The following ARNT variants were observed in gnomAD, a reference collection of about 807,000 sequenced individuals.
ARNT encodes the protein class E basic helix-loop-helix protein 2.
Under a neutral mutation model 105.0 loss-of-function variants are expected in ARNT, and 30 were observed. That is an observed-to-expected ratio of 0.29 (90% CI 0.21 to 0.39). ARNT has a LOEUF of 0.39. Among genes scored for constraint, ARNT ranks in the 10% least tolerant of loss-of-function variants. The pLI, the probability that ARNT is intolerant of heterozygous loss-of-function variation, is 1.00. For synonymous variants in ARNT, 304 were observed against 344.0 expected (o/e 0.88, Z 1.29); for missense variants, 748 against 978.7 (o/e 0.76, Z 3.15).
intron 5 of ARNT, among the ~76,000 whole-genome samples, chr1:150,842,040 G>T (rs1239060958): frequency 6.6e-6 from 1 of 152,074 alleles, no homozygotes. Context: ...TAAATACTGG[G>T]AACTAATCAC....
At chr1:150,855,423 G>A (rs933618107) in intron 2 of ARNT, among the ~76,000 whole-genome samples, 1 of 151,868 alleles carries the variant, frequency 6.6e-6, no homozygotes, top group African/African-American at 2.4e-5. Flanking sequence ...TTAGCCAGAC[G>A]TGGTGGTGGA....
intron 14 of ARNT, among the ~76,000 whole-genome samples, chr1:150,821,620 C>T (rs1019728307): frequency 1.3e-5 from 2 of 152,028 alleles, no homozygotes; most frequent in African/African-American, 2.4e-5. Flanking sequence ...ATTGTACAAA[C>T]GGTGTGTATG....
chr1:150,854,087 C>T (rs1203856973), intron 2 of ARNT, among the ~76,000 whole-genome samples: 1 of 152,112 alleles, frequency 6.6e-6, no homozygotes, highest in Admixed American at 6.6e-5. Context: ...TCTATCTCTT[C>T]CTTTCTTTCT....
In ARNT at chr1:150,816,288, G is replaced by A. The variant is rs1474921727; in HGVS notation, c.1921C>T (p.Pro641Ser). The A allele has an allele frequency of 2.5e-6, 4 of 1,607,786 alleles. No individual in the cohort carries two copies. The highest frequency in any genetic ancestry group is 3.4e-6 in the Non-Finnish European group (4 of 1,178,194). The change falls in exon 19 of 22, where the codon CCT becomes TCT. Residue 641 changes from proline (P) to serine (S), a missense_variant. Transcript: ENST00000358595. ...GCAGAAAAGCCTGAGCGGGTAGTAG[G>A]GGTCCAAGTTGGGGTTGCTCCTTGG... The part of the protein sequence containing the change: ...PTQGATPTWT[P>S]TTRSGFSAQQ...
chr1:150,870,707 C>G (rs889318769), intron 1 of ARNT, among the ~76,000 whole-genome samples: 1 of 151,950 alleles, frequency 6.6e-6, no homozygotes, highest in Non-Finnish European at 1.5e-5. Context: ...TGGGGTTTCA[C>G]CACGTTGCCC....
intron 14 of ARNT, 51 bp from the exon 15 acceptor site, chr1:150,818,081 G>C: frequency 8.6e-7 from 1 of 1,160,304 alleles, no homozygotes; most frequent in Non-Finnish European, 1.2e-6. Flanking sequence ...GAGGAAGGGG[G>C]GAGAGAGAGA....
chr1:150,853,078 C>T (rs1557933531), intron 2 of ARNT: 3 of 405,866 alleles, frequency 7.4e-6, no homozygotes, highest in Admixed American at 3.9e-5. Flanking sequence ...GTCAGGAGTT[C>T]GAGATCAGCC....
In ARNT at chr1:150,851,918, C is replaced by T. The variant is rs112734312; in HGVS notation, c.182+844G>A. Among the ~76,000 whole-genome samples, 1,179 of 151,772 alleles carry T rather than the reference C, an allele frequency of 7.8e-3. 6 individuals are homozygous for T. The highest frequency in any genetic ancestry group is 0.011 in the Non-Finnish European group (715 of 67,862). On this transcript the variant is annotated intron_variant, in intron 3 of 21. Coordinates refer to ENST00000358595, the MANE Select transcript of ARNT (RefSeq NM_001668.4). ...CAAAAATTAGCTGGGCATGGTGGCA[C>T]GCACCTGTAGTCCCGGCTACTTGGG...
Position 150,839,531 on chromosome 1 carries a change from T to C in ARNT, c.396A>G (p.Leu132=), listed in dbSNP as rs1230239878. 7 of 1,614,086 alleles carry C rather than the reference T, an allele frequency of 4.3e-6. No homozygotes were observed. In the African/African-American group the frequency reaches 9.3e-5, roughly 22 times the overall value. ...LARKPDKLTI[L]RMAVSHMKSL... ...ACTTCATGTGAGAAACTGCCATGCGTAAGATGGTTAGCTTGTCTGGTTTTC... is the reference window on the plus strand; with the variant it reads ...ACTTCATGTGAGAAACTGCCATGCGCAAGATGGTTAGCTTGTCTGGTTTTC... Residue 132 remains leucine, a synonymous_variant, in exon 6 of 22, where the codon TTA becomes TTG. Coordinates refer to ENST00000358595, the MANE Select transcript of ARNT (RefSeq NM_001668.4).
rs760531583 is a variant in ARNT, at chr1:150,811,473, C to CACACAT, written c.*542_*547dup. ...GCATGTGTGCGCACACACACACACA[C>CACACAT]ACACATACACACACACTCTCTCTCA... On this transcript the variant is annotated 3_prime_UTR_variant, in exon 22 of 22. Transcript: ENST00000358595. 2,069 of 233,116 alleles carry CACACAT rather than the reference C, an allele frequency of 8.9e-3. 7 individuals carry two copies. Among genetic ancestry groups the CACACAT allele is most frequent in the Non-Finnish European group, 0.011 (1,281 of 117,946 alleles). The allele number at this position is 233,116 out of a possible 1,614,324, so 14.4% of individuals were successfully genotyped here.
At chr1:150,840,787 T>TATCACTG (rs1231906113) in intron 5 of ARNT, among the ~76,000 whole-genome samples, 1 of 152,156 alleles carries the variant, frequency 6.6e-6, no homozygotes, top group Non-Finnish European at 1.5e-5. Context: ...GACAGAAAGA[T>TATCACTG]ATCACTGTTA....
At chr1:150,874,630 G>A (rs587624631) in intron 1 of ARNT, among the ~76,000 whole-genome samples, 88 of 152,278 alleles carry the variant, frequency 5.8e-4, no homozygotes, top group African/African-American at 1.9e-3. Flanking sequence ...GGAGGCTGCC[G>A]TGAGCAGTGA....
rs1571263926 is a variant in ARNT at position 150,829,907 on chromosome 1, C to T, written c.1029G>A (p.Leu343=). Residue 343 remains leucine (L), a synonymous_variant, in exon 11 of 22, where the codon TTG becomes TTA. Transcript: ENST00000358595. ...SKFCLVAIGR[L]QVTSSPNCTD... ...GATGTGGAAAATTCATACTTGCCTG[C>T]AATCTGCCAATGGCCACTAGGCAAA... 1 of 1,614,086 alleles carries T rather than the reference C, an allele frequency of 6.2e-7. No individual in the cohort carries two copies. Among genetic ancestry groups the T allele is most frequent in the Non-Finnish European group, 8.5e-7 (1 of 1,180,030 alleles).
chr1:150,873,305 CA>C (rs587775382), intron 1 of ARNT, among the ~76,000 whole-genome samples: 8 of 146,034 alleles, frequency 5.5e-5, no homozygotes, highest in African/African-American at 1.8e-4. Context: ...AACAAACAAA[CA>C]AAAAAAAAAC....
rs149888419 is a variant in ARNT at position 150,821,503 on chromosome 1, C to T, written c.1394+1691G>A. Among the ~76,000 whole-genome samples, 289 of 152,288 alleles carry T rather than the reference C, an allele frequency of 1.9e-3. 1 individual carries two copies. Among genetic ancestry groups the T allele is most frequent in the African/African-American group, 6.5e-3 (271 of 41,550 alleles). Reference sequence around the variant, plus strand: ...CAACAATTGAGCAATAGGTGGCTACCAAATTATTACAACAGTACAGTATAT... The same window carrying T: ...CAACAATTGAGCAATAGGTGGCTACTAAATTATTACAACAGTACAGTATAT... On this transcript the variant is annotated intron_variant, in intron 14 of 21. Transcript: ENST00000358595.
At chr1:150,832,196 A>T (rs1659472881) in intron 9 of ARNT, 138 bp downstream of exon 9, 1 of 857,460 alleles carries the variant, frequency 1.2e-6, no homozygotes, top group South Asian at 1.6e-5. Context: ...AGTAAGTGGG[A>T]GGTAAGGGAT....
intron 13 of ARNT, among the ~76,000 whole-genome samples, chr1:150,825,151 T>C (rs756523269): frequency 5.3e-5 from 8 of 152,148 alleles, no homozygotes; most frequent in Non-Finnish European, 1.0e-4. Context: ...TGAGCGACCA[T>C]GCCCAGCCAA....
In ARNT at chr1:150,824,458, CT is replaced by C. The variant is rs923773809; in HGVS notation, c.1243-1114del. 7.0e-3 allele frequency among the ~76,000 whole-genome samples: 976 copies of C among 138,506 alleles called. 6 individuals carry two copies. Among genetic ancestry groups the C allele is most frequent in the African/African-American group, 0.019 (706 of 37,968 alleles). 90.9% of individuals were successfully genotyped at this position (138,506 alleles called of 152,430 possible). A position where few individuals can be genotyped will look rare whatever the true frequency, so the allele number is the denominator to read the frequency against. ...AGAACATCTGTTTTCTTTTCTTTTT[CT>C]TTTTTTTTTTTTTTGAGATGGAGTC... is the stretch of plus-strand genomic sequence containing the variant. On this transcript the variant is annotated intron_variant, in intron 13 of 21. Coordinates refer to ENST00000358595, the MANE Select transcript of ARNT (RefSeq NM_001668.4).
In ARNT at chr1:150,846,267, C is replaced by A; in HGVS notation, c.223G>T (p.Ala75Ser). The stretch of plus-strand genomic sequence containing the variant: ...TATTACCTACTACAATATTACCTGG[C>A]AAACCGCTCCTTATCGTTAGACATC... ...DQMSNDKERF[A>S]RSDDEQSSAD... Residue 75 changes from alanine (A) to serine (S), a missense_variant, in exon 4 of 22, where the codon GCC (alanine) becomes TCC (serine). Physicochemically the swap from Ala to Ser is moderately conservative, Grantham distance 99. Around this residue, in one of 4 missense-constraint regions of ARNT, gnomAD observed 93 missense variants for 101.6 expected, o/e 0.92. Transcript: ENST00000358595. The A allele has an allele frequency of 6.2e-7, 1 of 1,613,122 alleles. No individual in the cohort carries two copies. The highest frequency in any genetic ancestry group is 8.5e-7 in the Non-Finnish European group (1 of 1,179,236).
Sources: allele counts gnomAD v4.1 joint callset (sites outside exome capture counted in the v4.1 genomes callset), GRCh38; gene constraint gnomAD v4.1.1; regional missense constraint gnomAD v4.1.1; transcripts MANE v1.5; gene names NCBI Gene and HGNC (gene_info 2026-07-23, HGNC 2026-07-21).